The following DIP2B variants were observed in gnomAD, a reference collection of about 807,000 sequenced individuals.
DIP2B encodes disco-interacting protein 2 homolog B.
DIP2B carries 76 observed loss-of-function variants against 198.0 expected under a neutral mutation model. The observed-to-expected ratio is 0.38, with a 90% CI of 0.32 to 0.46. The LOEUF (loss-of-function observed/expected upper bound fraction) is 0.46. Ranked by LOEUF, DIP2B falls within the 20% of genes least tolerant of loss-of-function variation. The probability of loss-of-function intolerance (pLI) is 0.99; values close to 1 mark genes in which losing one functional copy is unlikely to be tolerated. For missense variants in DIP2B, 1,559 were observed against 1,978.4 expected (o/e 0.79, Z 4.02); for synonymous variants, 701 against 739.1 (o/e 0.95, Z 0.84).
intron 3 of DIP2B, among the ~76,000 whole-genome samples, chr12:50,646,330 C>A (rs1938349887): frequency 6.6e-6 from 1 of 151,884 alleles, no homozygotes; most frequent in South Asian, 2.1e-4. Flanking sequence ...ACCATATTGG[C>A]CAGGCTGGTC....
rs60978324 is a variant in DIP2B at position 50,540,053 on chromosome 12, G to GTTTTTTTTTTTTTTTTTT, written c.100+34825_100+34842dup. ...TGGCAGGTAGTTTAGTTGTTTCTGTGTTTTTTTTTTTTTTTTTTTTTTTTT... is the reference window on the plus strand; with the variant it reads ...TGGCAGGTAGTTTAGTTGTTTCTGTGTTTTTTTTTTTTTTTTTTTTTTTTTTTTTTTTTTTTTTTTTTT... On this transcript the variant is annotated intron_variant, in intron 1 of 37. Transcript: ENST00000301180. Among the ~76,000 whole-genome samples, 43 of 44,166 alleles carry GTTTTTTTTTTTTTTTTTT rather than the reference G, an allele frequency of 9.7e-4. 1 individual carries two copies. Among genetic ancestry groups the GTTTTTTTTTTTTTTTTTT allele is most frequent in the Admixed American group, 1.6e-3 (5 of 3,152 alleles). 29.0% of individuals were successfully genotyped at this position (44,166 alleles called of 152,430 possible).
At chr12:50,707,229 A>G (rs1451537835) in intron 21 of DIP2B, among the ~76,000 whole-genome samples, 1 of 152,250 alleles carries the variant, frequency 6.6e-6, no homozygotes, top group Non-Finnish European at 1.5e-5. Context: ...GCAATTTGCA[A>G]TCGTAGATGT....
intron 20 of DIP2B, among the ~76,000 whole-genome samples, chr12:50,706,243 CTATG>C (rs1456207666): frequency 2.0e-5 from 3 of 152,130 alleles, no homozygotes; most frequent in African/African-American, 7.2e-5. Flanking sequence ...GGAAAATCAG[CTATG>C]CTTGGGTGGA....
intron 22 of DIP2B, among the ~76,000 whole-genome samples, chr12:50,712,920 T>G (rs1432591917): frequency 6.6e-6 from 1 of 151,906 alleles, no homozygotes; most frequent in Non-Finnish European, 1.5e-5. Context: ...AAAAATAAAA[T>G]AAAGTTGATT....
At chr12:50,529,259 T>C (rs1325868307) in intron 1 of DIP2B, among the ~76,000 whole-genome samples, 2 of 152,176 alleles carry the variant, frequency 1.3e-5, no homozygotes, top group South Asian at 2.1e-4. Context: ...CCATTGCAAC[T>C]CTTGCCTGTA....
intron 1 of DIP2B, among the ~76,000 whole-genome samples, chr12:50,544,231 A>AAG (rs1958355315): frequency 6.6e-6 from 1 of 151,906 alleles, no homozygotes; most frequent in Non-Finnish European, 1.5e-5. Flanking sequence ...TCAAAAAAAA[A>AAG]AAAGGAAATT....
chr12:50,723,970 G>C (rs1168962653), intron 27 of DIP2B, among the ~76,000 whole-genome samples: 1 of 152,190 alleles, frequency 6.6e-6, no homozygotes, highest in Non-Finnish European at 1.5e-5. Flanking sequence ...GAGAGTTAAA[G>C]AAAATAAGAT....
At chr12:50,711,718 C>T (rs1393931497) in intron 22 of DIP2B, among the ~76,000 whole-genome samples, 1 of 152,174 alleles carries the variant, frequency 6.6e-6, no homozygotes, top group East Asian at 1.9e-4. Flanking sequence ...CTCGCCACCA[C>T]ACCCAGCTAA....
intron 3 of DIP2B, among the ~76,000 whole-genome samples, chr12:50,652,873 G>A (rs1342754773): frequency 6.6e-6 from 1 of 150,426 alleles, no homozygotes; most frequent in Non-Finnish European, 1.5e-5. Flanking sequence ...TCTTTTTGAT[G>A]TTATTATAAA....
intron 1 of DIP2B, among the ~76,000 whole-genome samples, chr12:50,590,873 T>TG (rs771062251): frequency 3.9e-5 from 6 of 152,222 alleles, no homozygotes; most frequent in Non-Finnish European, 8.8e-5. Context: ...TAGATTTCTG[T>TG]GTGCTATGGT....
At chr12:50,689,140 A>T (rs559011658) in intron 12 of DIP2B, among the ~76,000 whole-genome samples, 4 of 152,234 alleles carry the variant, frequency 2.6e-5, no homozygotes, top group African/African-American at 9.6e-5. Context: ...GCTCACCCCT[A>T]TTATCCTAAC....
chr12:50,682,388 G>A (rs1261049349), intron 9 of DIP2B, among the ~76,000 whole-genome samples: 2 of 152,128 alleles, frequency 1.3e-5, no homozygotes. Context: ...CACTTTGGGA[G>A]GCCAAGGCAG....
chr12:50,634,224 C>T (rs527394960), intron 2 of DIP2B, among the ~76,000 whole-genome samples: 14 of 152,220 alleles, frequency 9.2e-5, no homozygotes, highest in Non-Finnish European at 1.5e-4. Flanking sequence ...TTTCTTTTGG[C>T]GTGGCCGAAA....
intron 1 of DIP2B, among the ~76,000 whole-genome samples, chr12:50,576,365 CAT>C (rs1958660884): frequency 3.9e-5 from 2 of 51,662 alleles, no homozygotes; most frequent in Non-Finnish European, 1.6e-4. Context: ...CTGCACCCAG[CAT>C]TTTTTTTTTT....
intron 4 of DIP2B, among the ~76,000 whole-genome samples, chr12:50,662,209 G>GT (rs1260956747): frequency 6.6e-6 from 1 of 152,180 alleles, no homozygotes; most frequent in Non-Finnish European, 1.5e-5. Flanking sequence ...GCAGAACAGA[G>GT]TAATAAAAAG....
At chr12:50,629,928 G>A (rs115165323) in intron 2 of DIP2B, among the ~76,000 whole-genome samples, 1,984 of 150,172 alleles carry the variant, frequency 0.013, 48 homozygotes, top group African/African-American at 0.046. Flanking sequence ...TTCTTCTTGA[G>A]CCAGTTTTGG....
intron 1 of DIP2B, among the ~76,000 whole-genome samples, chr12:50,594,603 T>C (rs1958862701): frequency 6.6e-6 from 1 of 152,170 alleles, no homozygotes; most frequent in Non-Finnish European, 1.5e-5. Flanking sequence ...TGATATAGTT[T>C]AGGACTTACA....
At chr12:50,585,885 A>C (rs1000761707) in intron 1 of DIP2B, among the ~76,000 whole-genome samples, 9 of 152,216 alleles carry the variant, frequency 5.9e-5, no homozygotes, top group Non-Finnish European at 8.8e-5. Flanking sequence ...TTTTTTCTAA[A>C]AATGAATGTA....
chr12:50,559,709 C>CCACA (rs55678718), intron 1 of DIP2B, among the ~76,000 whole-genome samples: 17,213 of 139,464 alleles, frequency 0.12, 1,362 homozygotes, highest in East Asian at 0.38. Context: ...GTGACAGAAA[C>CCACA]CACACACACA....
Sources: gnomAD v4.1 joint callset for allele counts (sites outside exome capture counted in the v4.1 genomes callset) on GRCh38, gnomAD v4.1.1 for gene constraint, MANE v1.5 for transcripts, NCBI Gene and HGNC (gene_info 2026-07-23, HGNC 2026-07-21) for gene names.